The following ZNF783 variants were observed in gnomAD, a reference collection of about 807,000 sequenced individuals.
ZNF783 encodes the protein zinc finger protein 783, also known as protein ZNF783.
A neutral mutation model predicts 31.3 loss-of-function variants in ZNF783; 25 were observed. That is an observed-to-expected ratio of 0.80 (90% confidence interval 0.58 to 1.11). The LOEUF is 1.11. Among genes scored for constraint, ZNF783 ranks in the 50% most tolerant of loss-of-function variants. The pLI, the probability that ZNF783 is intolerant of heterozygous loss-of-function variation, is 0.00. For synonymous variants in ZNF783, 369 were observed against 319.1 expected (o/e 1.16, Z -1.66); for missense variants, 797 against 760.0 (o/e 1.05, Z -0.57).
chr7:149,268,560 G>A (rs1243071105), intron 4 of ZNF783, among the ~76,000 whole-genome samples: 1 of 152,186 alleles, frequency 6.6e-6, no homozygotes, highest in Non-Finnish European at 1.5e-5. Context: ...TGCCCAGGTA[G>A]TGAGCATAGT....
chr7:149,269,800 T>C (rs1229734476), intron 4 of ZNF783, among the ~76,000 whole-genome samples: 2 of 150,472 alleles, frequency 1.3e-5, no homozygotes, highest in East Asian at 2.0e-4. Context: ...AGGTATATCT[T>C]CTAATGCTAT....
intron 1 of ZNF783, among the ~76,000 whole-genome samples, chr7:149,264,649 C>A (rs1448132648): frequency 6.6e-6 from 1 of 151,912 alleles, no homozygotes; most frequent in African/African-American, 2.4e-5. Context: ...CTGAGGCGGG[C>A]GGATCACAAG....
chr7:149,284,702 A>G lies in ZNF783; in HGVS notation c.*2359A>G, dbSNP rs1202680491. On this transcript the variant is annotated 3_prime_UTR_variant, in exon 6 of 6. Coordinates refer to ENST00000434415, the MANE Select transcript of ZNF783 (RefSeq NM_001195220.2). ...CTCCTTTTTTCTTTTTTTCATACCA[A>G]TGTGCTCAAACTTTGAGCTAGGTCT... 2.0e-5 allele frequency: 3 copies of G among 152,176 alleles called. No individual in the cohort carries two copies. The highest frequency in any genetic ancestry group is 7.2e-5 in the African/African-American group (3 of 41,436). The allele number at this position is 152,176 out of a possible 1,614,324, so 9.4% of individuals were successfully genotyped here. A position where few individuals can be genotyped will look rare whatever the true frequency, so the allele number is the denominator to read the frequency against.
chr7:149,272,561 G>A (rs955918777), intron 4 of ZNF783, among the ~76,000 whole-genome samples: 1 of 149,206 alleles, frequency 6.7e-6, no homozygotes, highest in South Asian at 2.1e-4. Context: ...GTGTGGATGA[G>A]TTTTTTTTTT....
At position 149,282,047 on chromosome 7, in the gene ZNF783, A is replaced by C; in HGVS notation, c.1345A>C (p.Lys449Gln). The C allele has an allele frequency of 1.9e-6, 3 of 1,593,318 alleles. No homozygotes were observed. The highest frequency in any genetic ancestry group is 2.5e-6 in the Non-Finnish European group (3 of 1,177,568). The change falls in exon 6 of 6, where the codon AAG becomes CAG. Residue 449 changes from lysine to glutamine, a missense_variant. Coordinates refer to ENST00000434415, the MANE Select transcript of ZNF783 (RefSeq NM_001195220.2). The stretch of plus-strand genomic sequence containing the variant: ...GTGCCTGCGCTTCTTCCAGCAGCGC[A>C]AGAGCCTGCTGCTGCACCAGCGCCT... Reference protein sequence around the residue: ...SECLRFFQQRKSLLLHQRLHT... With the variant: ...SECLRFFQQRQSLLLHQRLHT...
At chr7:149,267,525 C>T (rs535570554) in intron 4 of ZNF783, among the ~76,000 whole-genome samples, 7 of 152,236 alleles carry the variant, frequency 4.6e-5, no homozygotes, top group Admixed American at 2.6e-4. Context: ...TGGCCTGGCG[C>T]GGTGGCTCAC....
At position 149,282,654 on chromosome 7, in the gene ZNF783, G is replaced by A. The variant is rs1797505996; in HGVS notation, c.*311G>A. The A allele has an allele frequency of 3.1e-6, 1 of 317,984 alleles. No individual in the cohort carries two copies. The highest frequency in any genetic ancestry group is 5.7e-6 in the Non-Finnish European group (1 of 175,894). 19.7% of individuals were successfully genotyped at this position (317,984 alleles called of 1,614,324 possible). ...ATCATGGCCCTTCCAGTATGGGGGC[G>A]ATAGAGACATCGGGGACCTGGGATT... is the stretch of plus-strand genomic sequence containing the variant. On this transcript the variant is annotated 3_prime_UTR_variant, in exon 6 of 6. Transcript: ENST00000434415.
intron 1 of ZNF783, among the ~76,000 whole-genome samples, chr7:149,264,851 C>T (rs1189112644): frequency 8.2e-5 from 11 of 133,544 alleles, no homozygotes; most frequent in East Asian, 4.3e-4. Flanking sequence ...CCAGCCTGGG[C>T]GACAGAGCAA....
intron 1 of ZNF783, 112 bp downstream of exon 1, chr7:149,262,469 G>A (rs1348832710): frequency 4.6e-5 from 42 of 918,630 alleles, no homozygotes; most frequent in Non-Finnish European, 5.8e-5. Flanking sequence ...CTTGCGCGCA[G>A]CCTCCGCGCT....
chr7:149,267,690 G>A lies in ZNF783; in HGVS notation c.673+468G>A, dbSNP rs55668713. ...CAGGCGCCTGTAGTCCCAGCTACTCGGGAGGCTGAGGCAGGAGAATGGCGT... is the reference window on the plus strand; with the variant it reads ...CAGGCGCCTGTAGTCCCAGCTACTCAGGAGGCTGAGGCAGGAGAATGGCGT... On this transcript the variant is annotated intron_variant, in intron 4 of 5. Transcript: ENST00000434415. Among the ~76,000 whole-genome samples, 1,155 of 152,184 alleles carry A rather than the reference G, an allele frequency of 7.6e-3. 6 individuals carry two copies. The highest frequency in any genetic ancestry group is 0.017 in the Middle Eastern group (5 of 294).
Position 149,266,866 on chromosome 7 carries a change from G to A in ZNF783, c.468G>A (p.Glu156=), listed in dbSNP as rs777399132. The change falls in exon 3 of 6, where the codon GAG becomes GAA. Residue 156 remains glutamate (E), a synonymous_variant. Transcript: ENST00000434415. ...TGGCCGTGTATTTCTCTGAGCTGGA[G>A]TGGGGCAAGCTGGAGGACTGGCAGA... ...DDVAVYFSEL[E]WGKLEDWQKE... 1.1e-5 allele frequency: 18 copies of A among 1,614,040 alleles called. No homozygotes were observed. Among genetic ancestry groups the A allele is most frequent in the Non-Finnish European group, 4.2e-6 (5 of 1,180,044 alleles).
intron 4 of ZNF783, chr7:149,276,687 T>TTATTTAG: frequency 1.2e-6 from 1 of 859,072 alleles, no homozygotes; most frequent in Non-Finnish European, 1.4e-6. Context: ...ATTTATTTAT[T>TTATTTAG]TGAGACAGGG....
intron 4 of ZNF783, among the ~76,000 whole-genome samples, chr7:149,275,248 T>C (rs1221461924): frequency 6.6e-6 from 1 of 152,174 alleles, no homozygotes; most frequent in African/African-American, 2.4e-5. Flanking sequence ...ATTGATTCCG[T>C]ATGCTGCGAC....
intron 4 of ZNF783, chr7:149,276,464 A>G: frequency 1.0e-6 from 1 of 985,810 alleles, no homozygotes; most frequent in Non-Finnish European, 1.2e-6. Flanking sequence ...GGGGCAGTGT[A>G]ACCCGTTGGT....
intron 4 of ZNF783, among the ~76,000 whole-genome samples, chr7:149,273,155 T>C (rs932488126): frequency 6.6e-5 from 10 of 152,234 alleles, no homozygotes; most frequent in Non-Finnish European, 1.2e-4. Flanking sequence ...TGTCTGTTGA[T>C]GGACACTTAG....
At position 149,282,547 on chromosome 7, in the gene ZNF783, T is replaced by C. The variant is rs1797503833; in HGVS notation, c.*204T>C. The C allele has an allele frequency of 1.8e-6, 1 of 555,042 alleles. No individual in the cohort carries two copies. Among genetic ancestry groups the C allele is most frequent in the Non-Finnish European group, 3.1e-6 (1 of 322,630 alleles). The allele number at this position is 555,042 out of a possible 1,614,324, so 34.4% of individuals were successfully genotyped here. Reference sequence around the variant, plus strand: ...TCGCTGCCTTTTCTGCATTCCTGACTTCTAAAAGATGCCTTAAGGCTTAAG... The same window carrying C: ...TCGCTGCCTTTTCTGCATTCCTGACCTCTAAAAGATGCCTTAAGGCTTAAG... On this transcript the variant is annotated 3_prime_UTR_variant, in exon 6 of 6. Transcript: ENST00000434415.
intron 4 of ZNF783, among the ~76,000 whole-genome samples, chr7:149,271,738 C>T (rs188967282): frequency 6.6e-6 from 1 of 152,222 alleles, no homozygotes; most frequent in East Asian, 1.9e-4. Flanking sequence ...ATCTTGATTC[C>T]TTTCTTATTT....
Position 149,268,935 on chromosome 7 carries a change from T to C in ZNF783, c.673+1713T>C, listed in dbSNP as rs1018977450. Among the ~76,000 whole-genome samples the C allele has an allele frequency of 3.3e-5, 5 of 152,380 alleles. No homozygotes were observed. In the East Asian group the frequency reaches 5.8e-4, roughly 18 times the overall value. On this transcript the variant is annotated intron_variant, in intron 4 of 5. Transcript: ENST00000434415. ...GTGTGCATGTATATTTTTGGTATAA[T>C]GATCTATTTTCCTTTGGGTATATAC... is the stretch of plus-strand genomic sequence containing the variant.
chr7:149,263,322 A>T lies in ZNF783; in HGVS notation c.24+965A>T, dbSNP rs1464483054. ...TGTGTGTGTATATATATATATATAT[A>T]TATTTTTTTTTTAGACACAGTCTCA... is the stretch of plus-strand genomic sequence containing the variant. On this transcript the variant is annotated intron_variant, in intron 1 of 5. Coordinates refer to ENST00000434415, the MANE Select transcript of ZNF783 (RefSeq NM_001195220.2). Among the ~76,000 whole-genome samples the T allele has an allele frequency of 8.8e-3, 997 of 113,652 alleles. 13 individuals are homozygous for T. The highest frequency in any genetic ancestry group is 0.021 in the African/African-American group (616 of 29,830). 74.6% of individuals were successfully genotyped at this position (113,652 alleles called of 152,430 possible).
Sources: allele counts gnomAD v4.1 joint callset (sites outside exome capture counted in the v4.1 genomes callset), GRCh38; gene constraint gnomAD v4.1.1; transcripts MANE v1.5; gene names NCBI Gene and HGNC (gene_info 2026-07-23, HGNC 2026-07-21).